Variants in DTD1 observed in about 807,000 individuals in gnomAD.
The protein encoded by DTD1 is D-tyrosyl-tRNA deacylase 1 homolog.
In DTD1, 13 loss-of-function variants were observed where a neutral mutation model predicts 25.6. That is an observed-to-expected ratio of 0.51 (90% CI 0.33 to 0.81). The LOEUF (loss-of-function observed/expected upper bound fraction) is 0.81, where lower values mean the gene tolerates loss of function less well. Ranked by LOEUF, DTD1 falls within the 30% of genes least tolerant of loss-of-function variation. The pLI is 0.02. For synonymous variants in DTD1, 110 were observed against 103.6 expected (o/e 1.06, Z -0.37); for missense variants, 193 against 266.4 (o/e 0.72, Z 1.92).
intron 4 of DTD1, among the ~76,000 whole-genome samples, chr20:18,681,499 T>C (rs1028756180): frequency 6.6e-6 from 1 of 152,194 alleles, no homozygotes; most frequent in Non-Finnish European, 1.5e-5. Flanking sequence ...GGAAGGTGTT[T>C]TACTGGGAAG....
At chr20:18,667,323 A>G (rs760810101) in intron 4 of DTD1, among the ~76,000 whole-genome samples, 35 of 152,194 alleles carry the variant, frequency 2.3e-4, no homozygotes, top group Non-Finnish European at 5.9e-5. Context: ...CAGGTGTTCC[A>G]GGAAGCAGCC....
In DTD1 at chr20:18,726,316, T is replaced by A. The variant is rs190034801; in HGVS notation, c.478-17784T>A. On this transcript the variant is annotated intron_variant, in intron 4 of 5. Coordinates refer to ENST00000377452, the MANE Select transcript of DTD1 (RefSeq NM_080820.6). ...CTTGTTTGTCCAGGAATGTTCCTGATCTTGATTTAATAATTGAAAATCACT... is the reference window on the plus strand; with the variant it reads ...CTTGTTTGTCCAGGAATGTTCCTGAACTTGATTTAATAATTGAAAATCACT... 8.5e-5 allele frequency among the ~76,000 whole-genome samples: 13 copies of A among 152,332 alleles called. No homozygotes were observed. In the East Asian group the frequency reaches 2.5e-3, roughly 29 times the overall value.
At chr20:18,697,765 A>G (rs1232680153) in intron 4 of DTD1, among the ~76,000 whole-genome samples, 3 of 152,190 alleles carry the variant, frequency 2.0e-5, no homozygotes, top group Admixed American at 6.5e-5. Flanking sequence ...GCTCACTGCA[A>G]GCTCCGCCTC....
chr20:18,723,745 G>A (rs2061213911), intron 4 of DTD1, among the ~76,000 whole-genome samples: 1 of 152,200 alleles, frequency 6.6e-6, no homozygotes, highest in Non-Finnish European at 1.5e-5. Context: ...CCATTGTAGA[G>A]GAAAAGGATT....
intron 3 of DTD1, among the ~76,000 whole-genome samples, chr20:18,600,727 C>G (rs1391977761): frequency 6.6e-6 from 1 of 152,202 alleles, no homozygotes; most frequent in Non-Finnish European, 1.5e-5. Flanking sequence ...ATCTCCCTGT[C>G]TATGAACATG....
intron 4 of DTD1, among the ~76,000 whole-genome samples, chr20:18,647,161 C>A (rs2060853394): frequency 6.6e-6 from 1 of 152,218 alleles, no homozygotes; most frequent in Non-Finnish European, 1.5e-5. Context: ...TTGGTGTTTT[C>A]ATTGGCTTTG....
intron 4 of DTD1, among the ~76,000 whole-genome samples, chr20:18,723,723 C>T (rs6045570): frequency 0.14 from 21,907 of 152,180 alleles, 1,690 homozygotes; most frequent in Admixed American, 0.2. Flanking sequence ...CAAATTCATG[C>T]GTGCTGCAGC....
At chr20:18,658,395 G>A (rs986213692) in intron 4 of DTD1, among the ~76,000 whole-genome samples, 2 of 151,344 alleles carry the variant, frequency 1.3e-5, no homozygotes, top group African/African-American at 2.4e-5. Context: ...GCGCCATCTC[G>A]GCTCACTGCA....
chr20:18,762,278 C>T (rs941810626), intron 5 of DTD1, among the ~76,000 whole-genome samples: 22 of 152,332 alleles, frequency 1.4e-4, no homozygotes, highest in African/African-American at 5.1e-4. Flanking sequence ...CAATTAGAAT[C>T]TAGATCTGAG....
At chr20:18,724,976 G>A (rs181963767) in intron 4 of DTD1, among the ~76,000 whole-genome samples, 1 of 152,244 alleles carries the variant, frequency 6.6e-6, no homozygotes, top group South Asian at 2.1e-4. Flanking sequence ...GGCTCAGCCC[G>A]TGAGTGAGGG....
intron 5 of DTD1, among the ~76,000 whole-genome samples, chr20:18,750,180 G>A (rs1004867965): frequency 2.0e-5 from 3 of 152,170 alleles, no homozygotes; most frequent in African/African-American, 7.2e-5. Context: ...CCAAGTGACA[G>A]CTGGCATTCC....
At chr20:18,731,465 A>C (rs1240027106) in intron 4 of DTD1, among the ~76,000 whole-genome samples, 1 of 152,230 alleles carries the variant, frequency 6.6e-6, no homozygotes, top group African/African-American at 2.4e-5. Flanking sequence ...ATATCACATA[A>C]TACCTGAAGG....
chr20:18,764,475 A>G lies in DTD1; in HGVS notation c.*1135A>G, dbSNP rs1187404579. On this transcript the variant is annotated 3_prime_UTR_variant, in exon 6 of 6. Coordinates refer to ENST00000377452, the MANE Select transcript of DTD1 (RefSeq NM_080820.6). Reference sequence around the variant, plus strand: ...TGCTCTCTGGAAAATATTTTTGTATATAGAAGAGACATCCTTAATTGTGAT... The same window carrying G: ...TGCTCTCTGGAAAATATTTTTGTATGTAGAAGAGACATCCTTAATTGTGAT... 3 of 152,236 alleles carry G rather than the reference A, an allele frequency of 2.0e-5. No individual in the cohort carries two copies. The highest frequency in any genetic ancestry group is 3.8e-4 in the East Asian group (2 of 5,204). The allele number at this position is 152,236 out of a possible 1,614,324, so 9.4% of individuals were successfully genotyped here.
intron 4 of DTD1, chr20:18,698,555 A>G (rs550024826): frequency 6.6e-6 from 1 of 152,364 alleles, no homozygotes; most frequent in African/African-American, 2.4e-5. Context: ...TGAGAACTGT[A>G]CTTTGTAGAA....
intron 4 of DTD1, chr20:18,632,604 G>T: frequency 1.0e-6 from 1 of 984,846 alleles, no homozygotes; most frequent in Non-Finnish European, 1.2e-6. Flanking sequence ...TTAATTCTCA[G>T]TGTTTTATTT....
At chr20:18,641,521 T>C (rs199509250) in intron 4 of DTD1, among the ~76,000 whole-genome samples, 7 of 149,590 alleles carry the variant, frequency 4.7e-5, no homozygotes, top group Non-Finnish European at 1.0e-4. Context: ...GTATGTGTGT[T>C]TGTGTGTGTG....
intron 4 of DTD1, among the ~76,000 whole-genome samples, chr20:18,734,247 C>G (rs2061248352): frequency 1.3e-5 from 2 of 152,210 alleles, no homozygotes; most frequent in Admixed American, 1.3e-4. Flanking sequence ...CCTCTGCCAC[C>G]AGGCCTGTAA....
At chr20:18,634,722 A>G (rs1451151804) in intron 4 of DTD1, among the ~76,000 whole-genome samples, 4 of 152,172 alleles carry the variant, frequency 2.6e-5, no homozygotes, top group African/African-American at 9.7e-5. Context: ...TATGTAGGGT[A>G]AGGGGGTGTG....
intron 4 of DTD1, among the ~76,000 whole-genome samples, chr20:18,732,079 T>C (rs1260673028): frequency 6.6e-6 from 1 of 152,238 alleles, no homozygotes; most frequent in African/African-American, 2.4e-5. Flanking sequence ...GTTCCATGTC[T>C]TCCTCTCTTG....
Sources: allele counts gnomAD v4.1 joint callset (sites outside exome capture counted in the v4.1 genomes callset), GRCh38; gene constraint gnomAD v4.1.1; transcripts MANE v1.5; gene names NCBI Gene and HGNC (gene_info 2026-07-23, HGNC 2026-07-21).